FGF1: variants seen among roughly 807,000 people sequenced by gnomAD.
FGF1 encodes the protein fibroblast growth factor 1.
FGF1 carries 9 observed loss-of-function variants against 13.4 expected under a neutral mutation model. The ratio of observed to expected loss-of-function variants is 0.67; its 90% CI spans 0.40 to 1.17. The LOEUF is 1.17. Among genes scored for constraint, FGF1 ranks in the 50% most tolerant of loss-of-function variants. The pLI, the probability that FGF1 is intolerant of heterozygous loss-of-function variation, is 0.01. For synonymous variants in FGF1, 93 were observed against 79.0 expected, an observed-to-expected ratio of 1.18 and a Z score of -0.94; for missense variants, 156 against 192.7, an observed-to-expected ratio of 0.81 and a Z score of 1.13.
At chr5:142,687,160 C>T (rs2152063940), upstream of FGF1, among the ~76,000 whole-genome samples, 1 of 152,084 alleles carries the variant, frequency 6.6e-6, no homozygotes, top group South Asian at 2.1e-4. Flanking sequence ...CATGTATGTA[C>T]ACAAGCCTGC....
intron 1 of FGF1, among the ~76,000 whole-genome samples, chr5:142,671,461 A>G (rs1390247242): frequency 6.6e-5 from 10 of 152,202 alleles, no homozygotes. Context: ...CAGCTGCTAC[A>G]TAGAAAGGAA....
chr5:142,625,276 T>C (rs899555868), intron 1 of FGF1, among the ~76,000 whole-genome samples: 14 of 151,260 alleles, frequency 9.3e-5, no homozygotes, highest in Non-Finnish European at 1.8e-4. Flanking sequence ...CAGCCCCAGC[T>C]TGCACACTTC....
intron 1 of FGF1, among the ~76,000 whole-genome samples, chr5:142,645,296 T>C (rs1765833621): frequency 6.6e-6 from 1 of 152,206 alleles, no homozygotes; most frequent in African/African-American, 2.4e-5. Context: ...AGCAGGGCTT[T>C]TGAGCTACAC....
intron 2 of FGF1, among the ~76,000 whole-genome samples, chr5:142,606,708 C>A (rs1286306209): frequency 6.6e-6 from 1 of 152,090 alleles, no homozygotes; most frequent in Non-Finnish European, 1.5e-5. Context: ...CAGATACTGA[C>A]CAGATTCATA....
At chr5:142,601,129 A>G (rs773053298) in intron 2 of FGF1, 1 of 528,210 alleles carries the variant, frequency 1.9e-6, no homozygotes, top group African/African-American at 1.9e-5. Flanking sequence ...ACTTGTAGGA[A>G]AATAATCACA....
rs1764916202 is a variant in FGF1 at position 142,640,058 on chromosome 5, AT to A, written c.-34-25898del. 3.3e-5 allele frequency among the ~76,000 whole-genome samples: 5 copies of A among 152,094 alleles called. No homozygotes were observed. The South Asian group carries it at 1.0e-3, about 32-fold the overall frequency. On this transcript the variant is annotated intron_variant, in intron 1 of 3. Transcript: ENST00000337706. ...TGCCATACTGAACCCAAGTATGAGTATTTTTGATTAAGTCACTTTGGAATGA... is the reference window on the plus strand; with the variant it reads ...TGCCATACTGAACCCAAGTATGAGTATTTTGATTAAGTCACTTTGGAATGA...
At chr5:142,643,567 G>A (rs1043750389) in intron 1 of FGF1, among the ~76,000 whole-genome samples, 4 of 152,082 alleles carry the variant, frequency 2.6e-5, no homozygotes, top group South Asian at 2.1e-4. Flanking sequence ...AGGAAAATAG[G>A]GCTTTTCCAT....
At chr5:142,668,593 G>C (rs1770882944) in intron 1 of FGF1, among the ~76,000 whole-genome samples, 1 of 152,192 alleles carries the variant, frequency 6.6e-6, no homozygotes, top group Non-Finnish European at 1.5e-5. Context: ...CTGAACTTAA[G>C]TCCAGAAAGT....
chr5:142,660,494 C>T (rs1424497792), intron 1 of FGF1, among the ~76,000 whole-genome samples: 2 of 152,236 alleles, frequency 1.3e-5, no homozygotes, highest in Admixed American at 6.5e-5. Context: ...GGTCTGCCCC[C>T]GCTCTGCTGC....
chr5:142,606,217 T>G (rs1313624350), intron 2 of FGF1, among the ~76,000 whole-genome samples: 1 of 84,050 alleles, frequency 1.2e-5, no homozygotes, highest in African/African-American at 5.1e-5. Context: ...TCTTTCTCTC[T>G]CTGTGTGTGT....
intron 1 of FGF1, among the ~76,000 whole-genome samples, chr5:142,625,388 T>C (rs545990147): frequency 6.6e-6 from 1 of 152,256 alleles, no homozygotes; most frequent in Admixed American, 6.5e-5. Context: ...CCCTTGATTC[T>C]GTATGTTTTT....
intron 1 of FGF1, among the ~76,000 whole-genome samples, chr5:142,646,782 G>A (rs1339387448): frequency 1.5e-4 from 23 of 152,202 alleles, no homozygotes; most frequent in Non-Finnish European, 4.4e-5. Context: ...GTGAGCCACT[G>A]CGCCCGGCCT....
At chr5:142,646,710 T>C (rs1441779384) in intron 1 of FGF1, among the ~76,000 whole-genome samples, 1 of 152,104 alleles carries the variant, frequency 6.6e-6, no homozygotes, top group Non-Finnish European at 1.5e-5. Context: ...GCCTGGCTGG[T>C]CTTGAACTCC....
At chr5:142,652,098 C>T (rs1251678401) in intron 1 of FGF1, among the ~76,000 whole-genome samples, 1 of 152,116 alleles carries the variant, frequency 6.6e-6, no homozygotes, top group Non-Finnish European at 1.5e-5. Context: ...GACTCAGACC[C>T]AGAGAAGTTA....
In FGF1 at chr5:142,595,349, G is replaced by A. The variant is rs770590235; in HGVS notation, c.409C>T (p.Arg137Trp). Residue 137 changes from arginine to tryptophan, a missense_variant, in exon 4 of 4, where the codon CGG becomes TGG. Coordinates refer to ENST00000337706, the MANE Select transcript of FGF1 (RefSeq NM_000800.5). ...KKNGSCKRGP[R>W]THYGQKAILF... ...ATTGCTTTCTGGCCATAGTGAGTCC[G>A]AGGACCGCGTTTGCAGCTCCCATTC... 11 of 1,613,962 alleles carry A rather than the reference G, an allele frequency of 6.8e-6. No homozygotes were observed. The highest frequency in any genetic ancestry group is 2.2e-5 in the South Asian group (2 of 91,090).
Position 142,613,973 on chromosome 5 carries a change from C to T in FGF1, c.155G>A (p.Arg52Lys), listed in dbSNP as rs1222529936. ...PDGTVDGTRD[R>K]SDQHIQLQLS... is the part of the protein sequence containing the mutation. ...GATGGGCTTACTGTGCTGGTCGCTC[C>T]TGTCCCTTGTCCCATCCACTGTGCC... The change falls in exon 2 of 4, where the codon AGG becomes AAG. Residue 52 changes from arginine to lysine, a missense_variant. Physicochemically the swap from Arg to Lys is conservative, Grantham distance 26. Transcript: ENST00000337706. 1 of 1,614,014 alleles carries T rather than the reference C, an allele frequency of 6.2e-7. No individual in the cohort carries two copies. The highest frequency in any genetic ancestry group is 1.1e-5 in the South Asian group (1 of 91,060).
chr5:142,682,121 T>C (rs1773828337), intron 1 of FGF1, among the ~76,000 whole-genome samples: 2 of 152,086 alleles, frequency 1.3e-5, no homozygotes, highest in Admixed American at 6.5e-5. Context: ...GTTTCACTTT[T>C]GTCACCCAGG....
intron 2 of FGF1, among the ~76,000 whole-genome samples, chr5:142,608,353 C>T (rs1758154278): frequency 6.6e-6 from 1 of 151,760 alleles, no homozygotes; most frequent in South Asian, 2.1e-4. Context: ...GTGAGGTCAG[C>T]CTCATTCAGA....
chr5:142,609,166 G>T (rs1045578748), intron 2 of FGF1, among the ~76,000 whole-genome samples: 15 of 152,178 alleles, frequency 9.9e-5, no homozygotes, highest in African/African-American at 3.4e-4. Context: ...AGAAAGGGCT[G>T]CAAGGTAGGA....
Sources: gnomAD v4.1 joint callset for allele counts (sites outside exome capture counted in the v4.1 genomes callset) on GRCh38, gnomAD v4.1.1 for gene constraint, MANE v1.5 for transcripts, NCBI Gene and HGNC (gene_info 2026-07-23, HGNC 2026-07-21) for gene names.